The following SHISA6 variants were observed in gnomAD, a reference collection of about 807,000 sequenced individuals.
The protein encoded by SHISA6 is shisa family member 6, also known as protein shisa-6.
Under a neutral mutation model 47.9 loss-of-function variants are expected in SHISA6, and 22 were observed. The observed-to-expected ratio is 0.46, with a 90% CI of 0.33 to 0.66. SHISA6 has a LOEUF of 0.66. Among genes scored for constraint, SHISA6 ranks in the 30% least tolerant of loss-of-function variants. The pLI, the probability that SHISA6 is intolerant of heterozygous loss-of-function variation, is 0.02. For synonymous variants in SHISA6, 388 were observed against 337.8 expected (o/e 1.15, Z -1.63); for missense variants, 680 against 764.6 (o/e 0.89, Z 1.30).
At chr17:11,303,187 G>A (rs1909985311) in intron 2 of SHISA6, among the ~76,000 whole-genome samples, 2 of 152,052 alleles carry the variant, frequency 1.3e-5, no homozygotes, top group African/African-American at 4.8e-5. Flanking sequence ...ATGTTTGAGT[G>A]TGTGTGCTTG....
chr17:11,497,833 AC>A (rs1253461191), intron 3 of SHISA6, among the ~76,000 whole-genome samples: 19 of 150,294 alleles, frequency 1.3e-4, no homozygotes, highest in Admixed American at 1.2e-3. Flanking sequence ...ACACCTCCTC[AC>A]CCCCCAGGCT....
At chr17:11,479,361 C>T (rs1916155621) in intron 3 of SHISA6, among the ~76,000 whole-genome samples, 1 of 152,062 alleles carries the variant, frequency 6.6e-6, no homozygotes, top group African/African-American at 2.4e-5. Context: ...AACACAGGAG[C>T]AGAAAACCAA....
chr17:11,352,112 AC>A (rs917285986), intron 2 of SHISA6, among the ~76,000 whole-genome samples: 1 of 152,154 alleles, frequency 6.6e-6, no homozygotes, highest in Non-Finnish European at 1.5e-5. Context: ...TGAAGGTGGG[AC>A]CCATGAGAAC....
At chr17:11,336,665 G>T (rs1215275836) in intron 2 of SHISA6, among the ~76,000 whole-genome samples, 2 of 152,144 alleles carry the variant, frequency 1.3e-5, no homozygotes, top group Admixed American at 6.5e-5. Context: ...ACAGTGATTG[G>T]ACAGAAACTG....
intron 3 of SHISA6, among the ~76,000 whole-genome samples, chr17:11,530,936 T>C (rs1303389735): frequency 6.6e-6 from 1 of 152,204 alleles, no homozygotes; most frequent in East Asian, 1.9e-4. Context: ...AATTGTTCTT[T>C]CTTCCCCATA....
intron 3 of SHISA6, among the ~76,000 whole-genome samples, chr17:11,442,432 C>A (rs570773197): frequency 1.3e-5 from 2 of 152,076 alleles, no homozygotes; most frequent in South Asian, 4.1e-4. Flanking sequence ...TCTGAGAGAC[C>A]GGCAGAGAAA....
chr17:11,273,552 C>G (rs1007725795), intron 2 of SHISA6, among the ~76,000 whole-genome samples: 1 of 152,228 alleles, frequency 6.6e-6, no homozygotes, highest in Non-Finnish European at 1.5e-5. Context: ...GGAAGGCTGG[C>G]CTAGCAACTT....
In SHISA6 at chr17:11,281,940, C is replaced by A. The variant is rs561515025; in HGVS notation, c.799+18414C>A. ...AGAGTGACTTCAGCTGGCTATCTTG[C>A]GTTGATGTGACATTTAAGTAAGCAA... On this transcript the variant is annotated intron_variant, in intron 2 of 5. Coordinates refer to ENST00000441885, the MANE Select transcript of SHISA6 (RefSeq NM_207386.4). Among the ~76,000 whole-genome samples, 94 of 152,260 alleles carry A rather than the reference C, an allele frequency of 6.2e-4. 1 individual carries two copies. The South Asian group carries it at 0.016, about 26-fold the overall frequency.
chr17:11,329,886 G>GCTTTTCTCTCTTT (rs1266115173), intron 2 of SHISA6, among the ~76,000 whole-genome samples: 3 of 151,966 alleles, frequency 2.0e-5, no homozygotes, highest in Non-Finnish European at 4.4e-5. Flanking sequence ...CTCCAGTGAT[G>GCTTTTCTCTCTTT]CTTTTCTCTC....
At chr17:11,270,780 A>G (rs1451027755) in intron 2 of SHISA6, among the ~76,000 whole-genome samples, 1 of 152,196 alleles carries the variant, frequency 6.6e-6, no homozygotes, top group African/African-American at 2.4e-5. Flanking sequence ...GCCATCTTCC[A>G]TGCGGTATTT....
intron 3 of SHISA6, among the ~76,000 whole-genome samples, chr17:11,500,499 C>T (rs1044076162): frequency 9.9e-5 from 15 of 152,126 alleles, no homozygotes; most frequent in East Asian, 5.8e-4. Context: ...GAAACTGAGG[C>T]GCAGGAGTGA....
At position 11,241,768 on chromosome 17, in the gene SHISA6, G is replaced by T; in HGVS notation, c.346G>T (p.Gly116Cys). The change falls in exon 1 of 6, where the codon GGC (glycine) becomes TGC (cysteine). Residue 116 changes from glycine to cysteine, a missense_variant. Physicochemically the swap from Gly to Cys is radical, Grantham distance 159. This residue lies in a region of SHISA6 where 559 missense variants were observed against 674.1 expected (regional missense o/e 0.83). Transcript: ENST00000441885. This position sits in a 1 kb window ranked among gnomAD's most constrained non-coding sequence, Gnocchi z 5.5. ...KEFECNNSES[G>C]YLYCCGTCYY... is the part of the protein sequence containing the mutation. ...GTTCGAGTGTAACAACAGCGAGAGCGGCTACCTGTACTGCTGCGGTACCTG... is the reference window on the plus strand; with the variant it reads ...GTTCGAGTGTAACAACAGCGAGAGCTGCTACCTGTACTGCTGCGGTACCTG... 1 of 1,548,890 alleles carries T rather than the reference G, an allele frequency of 6.5e-7. No homozygotes were observed. Among genetic ancestry groups the T allele is most frequent in the Non-Finnish European group, 8.7e-7 (1 of 1,146,966 alleles).
At chr17:11,519,993 C>G (rs1436323116) in intron 3 of SHISA6, among the ~76,000 whole-genome samples, 1 of 152,146 alleles carries the variant, frequency 6.6e-6, no homozygotes, top group East Asian at 1.9e-4. Flanking sequence ...TTCCTCTGTT[C>G]TCTCCTAGAC....
At chr17:11,330,676 C>G (rs205031) in intron 2 of SHISA6, among the ~76,000 whole-genome samples, 18 of 152,056 alleles carry the variant, frequency 1.2e-4, no homozygotes, top group Non-Finnish European at 2.1e-4. Flanking sequence ...ACAGAAAAAA[C>G]GTAAGTAAAA....
chr17:11,481,366 G>GTA lies in SHISA6; in HGVS notation c.896-70510_896-70509dup, dbSNP rs768989352. 6.2e-3 allele frequency among the ~76,000 whole-genome samples: 688 copies of GTA among 110,256 alleles called. 4 individuals carry two copies. Among genetic ancestry groups the GTA allele is most frequent in the East Asian group, 0.037 (143 of 3,814 alleles). 72.3% of individuals were successfully genotyped at this position (110,256 alleles called of 152,430 possible). ...TGTGTGTGTGTGTGTGTGTGTGTGT[G>GTA]TATATATATATATATATATATTTAG... is the stretch of plus-strand genomic sequence containing the variant. On this transcript the variant is annotated intron_variant, in intron 3 of 5. Transcript: ENST00000441885.
At chr17:11,462,940 T>TA (rs1248735160) in intron 3 of SHISA6, among the ~76,000 whole-genome samples, 5 of 152,146 alleles carry the variant, frequency 3.3e-5, no homozygotes, top group African/African-American at 1.2e-4. Flanking sequence ...TGAGGTAGGA[T>TA]AAAAAACGAA....
intron 3 of SHISA6, among the ~76,000 whole-genome samples, chr17:11,432,600 A>G (rs893003315): frequency 7.9e-5 from 12 of 152,216 alleles, no homozygotes; most frequent in African/African-American, 2.9e-4. Context: ...GAGGACATAG[A>G]ATAACTCATA....
rs779137199 is a variant in SHISA6 at position 11,296,916 on chromosome 17, G to A, written c.799+33390G>A. Among the ~76,000 whole-genome samples the A allele has an allele frequency of 4.5e-4, 68 of 152,160 alleles. 1 individual carries two copies. Among genetic ancestry groups the A allele is most frequent in the Admixed American group, 1.8e-3 (27 of 15,270 alleles). On this transcript the variant is annotated intron_variant, in intron 2 of 5. Coordinates refer to ENST00000441885, the MANE Select transcript of SHISA6 (RefSeq NM_207386.4). ...AACTTACCATGTGTAAAGCCATGGAGGGGCTAAATGATTAGAGAACGGAGG... is the reference window on the plus strand; with the variant it reads ...AACTTACCATGTGTAAAGCCATGGAAGGGCTAAATGATTAGAGAACGGAGG...
intron 3 of SHISA6, among the ~76,000 whole-genome samples, chr17:11,487,268 T>A (rs565776276): frequency 6.6e-6 from 1 of 152,258 alleles, no homozygotes; most frequent in Admixed American, 6.5e-5. Flanking sequence ...ATCCTAGGTG[T>A]TGCAAGATTC....
Sources: gnomAD v4.1 joint callset for allele counts (sites outside exome capture counted in the v4.1 genomes callset) on GRCh38, gnomAD v4.1.1 for gene constraint, gnomAD v4.1.1 regional missense constraint, Gnocchi (gnomAD v3.1) non-coding constraint, MANE v1.5 for transcripts, NCBI Gene and HGNC (gene_info 2026-07-23, HGNC 2026-07-21) for gene names.